Variants in LARP1B observed in about 807,000 individuals in gnomAD.
The protein encoded by LARP1B is la-related protein 1B.
In LARP1B, 76 loss-of-function variants were observed where a neutral mutation model predicts 114.2. The ratio of observed to expected loss-of-function variants is 0.67; its 90% CI spans 0.55 to 0.81. LARP1B has a LOEUF of 0.81. LARP1B is among the 30% of genes least tolerant of loss of function. The probability of loss-of-function intolerance (pLI) is 0.00; values close to 1 mark genes in which losing one functional copy is unlikely to be tolerated. For synonymous variants in LARP1B, 345 were observed against 348.0 expected, an observed-to-expected ratio of 0.99 and a Z score of 0.10; for missense variants, 1,014 against 1,075.8, an observed-to-expected ratio of 0.94 and a Z score of 0.80.
At chr4:128,146,166 T>TAA (rs1457269278) in intron 11 of LARP1B, among the ~76,000 whole-genome samples, 1 of 152,228 alleles carries the variant, frequency 6.6e-6, no homozygotes, top group Non-Finnish European at 1.5e-5. Context: ...GTATCTTTTG[T>TAA]AGAGAAACTT....
In LARP1B at chr4:128,077,982, T is replaced by C; in HGVS notation, c.217+20T>C. On this transcript the variant is annotated intron_variant, in intron 4 of 19. Transcript: ENST00000326639. ...AGAGAGGTCAGTTTGTCCATATCTT[T>C]ATTTTGATTTTAGTTTTTGAAGAAA... 2 of 1,474,892 alleles carry C rather than the reference T, an allele frequency of 1.4e-6. No individual in the cohort carries two copies. Among genetic ancestry groups the C allele is most frequent in the East Asian group, 2.4e-5 (1 of 41,820 alleles). 91.4% of individuals were successfully genotyped at this position (1,474,892 alleles called of 1,614,324 possible). A position where few individuals can be genotyped will look rare whatever the true frequency, so the allele number is the denominator to read the frequency against.
At chr4:128,098,411 C>G (rs775685438) in intron 8 of LARP1B, 81 bp downstream of exon 8, 2 of 1,193,236 alleles carry the variant, frequency 1.7e-6, no homozygotes, top group African/African-American at 3.0e-5. Context: ...AAACAGAGTA[C>G]TAAAAACAGA....
chr4:128,123,200 A>G (rs1459139588), intron 11 of LARP1B: 1 of 985,434 alleles, frequency 1.0e-6, no homozygotes, highest in Non-Finnish European at 1.2e-6. Context: ...GCCTTCTGTA[A>G]CCACTGCCTT....
chr4:128,153,171 C>T (rs368925954), intron 11 of LARP1B, among the ~76,000 whole-genome samples: 8 of 151,286 alleles, frequency 5.3e-5, no homozygotes, highest in African/African-American at 9.7e-5. Flanking sequence ...TTAGTAGAGA[C>T]GGGGTGTCAC....
At chr4:128,087,816 C>T (rs1483529914) in intron 5 of LARP1B, among the ~76,000 whole-genome samples, 1 of 151,466 alleles carries the variant, frequency 6.6e-6, no homozygotes, top group African/African-American at 2.4e-5. Context: ...GAATTTGGGG[C>T]TGTAGTGCAC....
In LARP1B at chr4:128,077,855, A is replaced by G. The variant is rs975121848; in HGVS notation, c.110A>G (p.Glu37Gly). The G allele has an allele frequency of 4.3e-6, 7 of 1,612,746 alleles. No individual in the cohort carries two copies. The highest frequency in any genetic ancestry group is 5.9e-6 in the Non-Finnish European group (7 of 1,179,334). ...AGAAAAGAAAAAGAAGAGAAGGTTG[A>G]AAAGAGAAGTAACAGTGACAGCAAA... The part of the protein sequence containing the change: ...QNRKEKEEKV[E>G]KRSNSDSKEN... Residue 37 changes from glutamate to glycine, a missense_variant, in exon 4 of 20, where the codon GAA becomes GGA. By Grantham distance (98) the Glu-to-Gly change is moderately conservative. Coordinates refer to ENST00000326639, the MANE Select transcript of LARP1B (RefSeq NM_018078.4).
At chr4:128,106,120 T>G (rs1047484805) in intron 8 of LARP1B, among the ~76,000 whole-genome samples, 1 of 151,556 alleles carries the variant, frequency 6.6e-6, no homozygotes, top group Non-Finnish European at 1.5e-5. Context: ...AGCTCCCTGG[T>G]TCAAGTGATT....
chr4:128,108,919 G>A (rs1344826847), intron 9 of LARP1B: 1 of 862,722 alleles, frequency 1.2e-6, no homozygotes, highest in South Asian at 5.3e-5. Flanking sequence ...GTACATTTTT[G>A]TGTTTTTTAA....
chr4:128,136,936 G>A (rs191893530), intron 11 of LARP1B, among the ~76,000 whole-genome samples: 216 of 151,968 alleles, frequency 1.4e-3, no homozygotes, highest in Non-Finnish European at 2.3e-3. Flanking sequence ...ATAAGTGAAC[G>A]TAATAAATTC....
intron 5 of LARP1B, among the ~76,000 whole-genome samples, chr4:128,083,632 C>CA (rs1467436995): frequency 2.1e-5 from 3 of 145,328 alleles, no homozygotes; most frequent in African/African-American, 7.6e-5. Context: ...CTGACCCCCC[C>CA]ACCTCCCTCC....
chr4:128,061,848 G>A lies in LARP1B; in HGVS notation c.-78+447G>A, dbSNP rs908087626. ...GGCAAAGAGGCGGCGAGGGAGGAGA[G>A]GGCCGCGGCCGCCACTAGCGCTGGG... On this transcript the variant is annotated intron_variant, in intron 1 of 19. Transcript: ENST00000326639. 6 of 984,890 alleles carry A rather than the reference G, an allele frequency of 6.1e-6. No homozygotes were observed. In the East Asian group the frequency reaches 5.7e-4, roughly 94 times the overall value. The allele number at this position is 984,890 out of a possible 1,614,324, so 61.0% of individuals were successfully genotyped here. A position where few individuals can be genotyped will look rare whatever the true frequency, so the allele number is the denominator to read the frequency against.
intron 8 of LARP1B, among the ~76,000 whole-genome samples, chr4:128,105,823 G>A (rs1013840487): frequency 9.9e-5 from 15 of 152,044 alleles, no homozygotes; most frequent in African/African-American, 2.4e-4. Context: ...CTTGGGAGGC[G>A]GAGGTTGCAG....
At chr4:128,073,534 AAG>A (rs1491006498) in intron 1 of LARP1B, among the ~76,000 whole-genome samples, 2 of 141,210 alleles carry the variant, frequency 1.4e-5, no homozygotes, top group Non-Finnish European at 3.1e-5. Context: ...AAAAAAAAAA[AAG>A]TTGTATTTGT....
At chr4:128,199,407 T>C in intron 15 of LARP1B, 32 bp from the exon 16 acceptor site, 1 of 1,460,242 alleles carries the variant, frequency 6.8e-7, no homozygotes, top group Non-Finnish European at 9.1e-7. Context: ...TGATTTTTCA[T>C]TTTGAAGGCT....
intron 1 of LARP1B, among the ~76,000 whole-genome samples, chr4:128,067,186 G>T (rs1478799927): frequency 6.6e-6 from 1 of 152,116 alleles, no homozygotes; most frequent in South Asian, 2.1e-4. Flanking sequence ...TTCACAGTGG[G>T]TACCTCTAAA....
rs537982031 is a variant in LARP1B, at chr4:128,112,061, T to G, written c.989-2509T>G. ...AAAAAAGTGTTCTCTGGAGTTAATATTTTTCCCATTCCTATAACTAGACAA... is the reference window on the plus strand; with the variant it reads ...AAAAAAGTGTTCTCTGGAGTTAATAGTTTTCCCATTCCTATAACTAGACAA... On this transcript the variant is annotated intron_variant, in intron 9 of 19. Coordinates refer to ENST00000326639, the MANE Select transcript of LARP1B (RefSeq NM_018078.4). 9.2e-5 allele frequency among the ~76,000 whole-genome samples: 14 copies of G among 152,206 alleles called. No individual in the cohort carries two copies. The South Asian group carries it at 2.9e-3, about 32-fold the overall frequency.
chr4:128,208,792 G>A (rs1188830396), intron 19 of LARP1B, among the ~76,000 whole-genome samples: 5 of 152,170 alleles, frequency 3.3e-5, no homozygotes. Context: ...GTTTGAAGAT[G>A]TTTAAATTTG....
At chr4:128,128,549 T>C (rs972564021) in intron 11 of LARP1B, among the ~76,000 whole-genome samples, 5 of 152,200 alleles carry the variant, frequency 3.3e-5, no homozygotes, top group Non-Finnish European at 7.3e-5. Flanking sequence ...AAAGTATTAA[T>C]AGCTTATATA....
At chr4:128,105,343 A>T (rs888741730) in intron 8 of LARP1B, among the ~76,000 whole-genome samples, 1 of 151,864 alleles carries the variant, frequency 6.6e-6, no homozygotes, top group Non-Finnish European at 1.5e-5. Context: ...AGTTCTTTTC[A>T]TTGGTAGTTT....
Sources: gnomAD v4.1 joint callset for allele counts (sites outside exome capture counted in the v4.1 genomes callset) on GRCh38, gnomAD v4.1.1 for gene constraint, MANE v1.5 for transcripts, NCBI Gene and HGNC (gene_info 2026-07-23, HGNC 2026-07-21) for gene names.